RP1: variants seen among roughly 807,000 people sequenced by gnomAD.
RP1 encodes RP1 axonemal microtubule associated.
A neutral mutation model predicts 14.8 loss-of-function variants in RP1; 16 were observed. The observed-to-expected ratio is 1.08, with a 90% CI of 0.73 to 1.65. RP1 has a LOEUF of 1.65. Among genes scored for constraint, RP1 ranks in the 40% most tolerant of loss-of-function variants. The probability of loss-of-function intolerance (pLI) is 0.00; values close to 1 mark genes in which losing one functional copy is unlikely to be tolerated. For synonymous variants in RP1, 876 were observed against 883.6 expected, an observed-to-expected ratio of 0.99 and a Z score of 0.15; for missense variants, 2,631 against 2,535.0, an observed-to-expected ratio of 1.04 and a Z score of -0.81.
intron 1 of RP1, among the ~76,000 whole-genome samples, chr8:54,566,895 C>A: frequency 6.6e-6 from 1 of 152,160 alleles, no homozygotes; most frequent in East Asian, 1.9e-4. Context: ...ACTAAAATGT[C>A]GGATGGTACC....
intron 1 of RP1, among the ~76,000 whole-genome samples, chr8:54,619,645 G>T (rs915003158): frequency 6.6e-6 from 1 of 152,180 alleles, no homozygotes; most frequent in African/African-American, 2.4e-5. Context: ...CTCTCCTGAA[G>T]GTTTAACTTT....
At chr8:54,642,837 T>G (rs1191401126) in intron 3 of RP1, among the ~76,000 whole-genome samples, 1 of 152,168 alleles carries the variant, frequency 6.6e-6, no homozygotes, top group African/African-American at 2.4e-5. Context: ...TGTCAAACTG[T>G]GTTTGAGAAA....
intron 25 of RP1, among the ~76,000 whole-genome samples, chr8:54,847,814 C>G (rs543938749): frequency 6.6e-6 from 1 of 152,304 alleles, no homozygotes; most frequent in Admixed American, 6.5e-5. Context: ...GTGTGGGGTC[C>G]ACTTTTTGGG....
At chr8:54,669,695 C>A (rs1292172252) in intron 7 of RP1, among the ~76,000 whole-genome samples, 1 of 152,072 alleles carries the variant, frequency 6.6e-6, no homozygotes, top group Non-Finnish European at 1.5e-5. Flanking sequence ...TACTCTGCAG[C>A]CATAAAAAAG....
chr8:54,818,495 T>C (rs1285676808), intron 24 of RP1, among the ~76,000 whole-genome samples: 2 of 152,162 alleles, frequency 1.3e-5, no homozygotes, highest in African/African-American at 2.4e-5. Flanking sequence ...ACAGATTCAG[T>C]AATAATGAAA....
rs1064797346 is a variant in RP1 at position 54,630,259 on chromosome 8, G to A, written c.6377G>A (p.Cys2126Tyr). The A allele has an allele frequency of 3.7e-6, 6 of 1,613,610 alleles. No homozygotes were observed. Among genetic ancestry groups the A allele is most frequent in the Middle Eastern group, 3.3e-4 (2 of 6,058 alleles). ...NISNRNILEL[C>Y]MFEGENLFIW... ...AGCAACAGAAATATTTTAGAACTTT[G>A]TATGTTTGAGGGTGAAAATCTTTTC... Residue 2126 changes from cysteine (C) to tyrosine (Y), a missense_variant, in exon 4 of 4, where the codon TGT becomes TAT. Physicochemically the swap from Cys to Tyr is radical, Grantham distance 194 (BLOSUM62 -2). Coordinates refer to ENST00000220676, the MANE Select transcript of RP1 (RefSeq NM_006269.2).
At chr8:54,774,226 C>T (rs1478078559), downstream of RP1, among the ~76,000 whole-genome samples, 1 of 152,118 alleles carries the variant, frequency 6.6e-6, no homozygotes, top group Non-Finnish European at 1.5e-5. Context: ...TTGTGTCAGC[C>T]TCATTTCCTC....
At chr8:54,647,498 CT>C (rs1563337474) in intron 3 of RP1, among the ~76,000 whole-genome samples, 1 of 151,852 alleles carries the variant, frequency 6.6e-6, no homozygotes, top group Non-Finnish European at 1.5e-5. Context: ...TAAATCTAGC[CT>C]TTGGTTATTT....
At chr8:54,580,807 C>T (rs111837820) in intron 1 of RP1, among the ~76,000 whole-genome samples, 152 of 150,922 alleles carry the variant, frequency 1.0e-3, no homozygotes, top group Middle Eastern at 3.5e-3. Context: ...TTAGTAGAGA[C>T]GGGGTTTCTC....
At chr8:54,790,291 G>A (rs1810432424) in intron 24 of RP1, among the ~76,000 whole-genome samples, 1 of 152,190 alleles carries the variant, frequency 6.6e-6, no homozygotes, top group Non-Finnish European at 1.5e-5. Context: ...ACCTGTGAAT[G>A]CTACCAGCTG....
At chr8:54,652,689 C>A in intron 4 of RP1, 2 of 781,100 alleles carry the variant, frequency 2.6e-6, no homozygotes, top group Admixed American at 4.2e-5. Flanking sequence ...ATGAATTGAC[C>A]CCTTTATCAA....
intron 22 of RP1, among the ~76,000 whole-genome samples, chr8:54,768,051 G>A (rs1379658372): frequency 6.6e-6 from 1 of 152,164 alleles, no homozygotes; most frequent in East Asian, 1.9e-4. Flanking sequence ...AGACTCTTAA[G>A]TTCCTTGACA....
At chr8:54,740,403 TAAAAA>T (rs34753388) in intron 19 of RP1, among the ~76,000 whole-genome samples, 5 of 80,236 alleles carry the variant, frequency 6.2e-5, no homozygotes, top group South Asian at 4.7e-4. Context: ...GCTTAAAAAG[TAAAAA>T]AAAAAAAAAA....
intron 12 of RP1, among the ~76,000 whole-genome samples, chr8:54,682,729 T>C (rs1209204282): frequency 6.6e-6 from 1 of 152,188 alleles, no homozygotes; most frequent in Non-Finnish European, 1.5e-5. Context: ...TTGCAAAATT[T>C]TTCTCCCATT....
Position 54,628,753 on chromosome 8 carries a change from A to G in RP1, c.4871A>G (p.Asn1624Ser), listed in dbSNP as rs1197343981. ...SGELTQEKEYNIGFVKRAIEK... is the reference protein window; with the variant it reads ...SGELTQEKEYSIGFVKRAIEK... The stretch of plus-strand genomic sequence containing the variant: ...GAACTTACCCAAGAGAAAGAATATA[A>G]CATAGGATTTGTTAAAAGGGCAATA... Residue 1624 changes from asparagine (N) to serine (S), a missense_variant, in exon 4 of 4, where the codon AAC becomes AGC. Transcript: ENST00000220676. 6 of 1,613,974 alleles carry G rather than the reference A, an allele frequency of 3.7e-6. No homozygotes were observed. In the African/African-American group the frequency reaches 8.0e-5, roughly 22 times the overall value.
chr8:54,603,712 A>G (rs1288268416), intron 1 of RP1, among the ~76,000 whole-genome samples: 3 of 152,038 alleles, frequency 2.0e-5, no homozygotes, highest in Non-Finnish European at 2.9e-5. Flanking sequence ...CTTTTATTTC[A>G]TTGAGCAGTG....
At chr8:54,835,950 G>T (rs1811646146) in intron 24 of RP1, among the ~76,000 whole-genome samples, 1 of 152,106 alleles carries the variant, frequency 6.6e-6, no homozygotes. Context: ...CTACGTGATA[G>T]AATTCCTATA....
chr8:54,587,920 C>T (rs1237288512), intron 1 of RP1, among the ~76,000 whole-genome samples: 3 of 152,142 alleles, frequency 2.0e-5, no homozygotes, highest in Admixed American at 1.3e-4. Context: ...AAAATTACAA[C>T]AAAAATGCCA....
At chr8:54,840,717 G>T (rs1389684317) in intron 25 of RP1, among the ~76,000 whole-genome samples, 1 of 151,470 alleles carries the variant, frequency 6.6e-6, no homozygotes, top group Non-Finnish European at 1.5e-5. Flanking sequence ...AGCAATAAAG[G>T]CTCAGCATGT....
Sources: gnomAD v4.1 joint callset for allele counts (sites outside exome capture counted in the v4.1 genomes callset) on GRCh38, gnomAD v4.1.1 for gene constraint, MANE v1.5 for transcripts, NCBI Gene and HGNC (gene_info 2026-07-23, HGNC 2026-07-21) for gene names.